MAP2: variants seen among roughly 807,000 people sequenced by gnomAD.
The protein encoded by MAP2 is microtubule-associated protein 2.
Under a neutral mutation model 137.6 loss-of-function variants are expected in MAP2, and 14 were observed. The ratio of observed to expected loss-of-function variants is 0.10; its 90% CI spans 0.07 to 0.16. The LOEUF (loss-of-function observed/expected upper bound fraction) is 0.16. Ranked by LOEUF, MAP2 falls within the 10% of genes least tolerant of loss-of-function variation. The pLI is 1.00. For synonymous variants in MAP2, 786 were observed against 782.3 expected, an observed-to-expected ratio of 1.00 and a Z score of -0.08; for missense variants, 2,088 against 2,191.5, an observed-to-expected ratio of 0.95 and a Z score of 0.94.
At chr2:209,455,304 CAGAT>C (rs1701283179) in intron 1 of MAP2, among the ~76,000 whole-genome samples, 1 of 152,102 alleles carries the variant, frequency 6.6e-6, no homozygotes, top group African/African-American at 2.4e-5. Context: ...CAAGGTCACA[CAGAT>C]AGTAAGTAAT....
intron 1 of MAP2, among the ~76,000 whole-genome samples, chr2:209,469,272 G>A (rs1391459049): frequency 6.6e-6 from 1 of 152,070 alleles, no homozygotes; most frequent in Admixed American, 6.5e-5. Flanking sequence ...ACTCATTTGT[G>A]TAAGTTGTTC....
chr2:209,621,433 A>G lies in MAP2; in HGVS notation c.-106-3620A>G, dbSNP rs747032565. Reference sequence around the variant, plus strand: ...ACCACCATGCCCAGCTAATTTTTGTATTTTTAATAGAGAGGGGGTTTTGCC... The same window carrying G: ...ACCACCATGCCCAGCTAATTTTTGTGTTTTTAATAGAGAGGGGGTTTTGCC... On this transcript the variant is annotated intron_variant, in intron 3 of 15. Coordinates refer to ENST00000682079, the MANE Select transcript of MAP2 (RefSeq NM_001375505.1). Among the ~76,000 whole-genome samples, 2 of 150,924 alleles carry G rather than the reference A, an allele frequency of 1.3e-5. 1 individual carries two copies. The highest frequency in any genetic ancestry group is 3.0e-5 in the Non-Finnish European group (2 of 67,782).
At chr2:209,446,856 C>T (rs1394391356) in intron 1 of MAP2, among the ~76,000 whole-genome samples, 1 of 151,830 alleles carries the variant, frequency 6.6e-6, no homozygotes, top group Non-Finnish European at 1.5e-5. Context: ...ATTTACTTGA[C>T]TCATCCAAGT....
chr2:209,681,180 G>T (rs2054396402), intron 7 of MAP2, among the ~76,000 whole-genome samples: 1 of 152,046 alleles, frequency 6.6e-6, no homozygotes, highest in African/African-American at 2.4e-5. Context: ...AAATATAAAT[G>T]TAATCTCCAT....
chr2:209,622,060 T>A (rs1176142932), intron 3 of MAP2, among the ~76,000 whole-genome samples: 1 of 152,198 alleles, frequency 6.6e-6, no homozygotes, highest in Non-Finnish European at 1.5e-5. Flanking sequence ...GCAGTTGACT[T>A]TGTCATGTGT....
At chr2:209,610,204 A>G (rs79889262) in intron 3 of MAP2, among the ~76,000 whole-genome samples, 122 of 152,220 alleles carry the variant, frequency 8.0e-4, no homozygotes, top group African/African-American at 2.8e-3. Flanking sequence ...GCAGAGCAAG[A>G]GCACATGCAA....
intron 2 of MAP2, among the ~76,000 whole-genome samples, chr2:209,513,667 T>G (rs977292664): frequency 6.6e-6 from 1 of 152,094 alleles, no homozygotes; most frequent in Non-Finnish European, 1.5e-5. Flanking sequence ...ATCCAATACT[T>G]GTTCTTTAAG....
intron 3 of MAP2, among the ~76,000 whole-genome samples, chr2:209,587,459 C>T (rs1014218977): frequency 6.6e-6 from 1 of 152,070 alleles, no homozygotes; most frequent in Non-Finnish European, 1.5e-5. Context: ...TTTGTCAGAA[C>T]TCTATAGGAG....
At chr2:209,569,819 T>C (rs1031085176) in intron 2 of MAP2, among the ~76,000 whole-genome samples, 1 of 151,864 alleles carries the variant, frequency 6.6e-6, no homozygotes, top group African/African-American at 2.4e-5. Flanking sequence ...AGGGTAGTGA[T>C]TGTGTTAAGA....
At chr2:209,473,075 C>A (rs1468789837) in intron 1 of MAP2, among the ~76,000 whole-genome samples, 1 of 152,162 alleles carries the variant, frequency 6.6e-6, no homozygotes, top group Non-Finnish European at 1.5e-5. Flanking sequence ...TGACTTCATA[C>A]CCTTCTTAAA....
At chr2:209,449,109 A>G (rs548998488) in intron 1 of MAP2, among the ~76,000 whole-genome samples, 1 of 152,308 alleles carries the variant, frequency 6.6e-6, no homozygotes, top group African/African-American at 2.4e-5. Flanking sequence ...TAGGCATTAG[A>G]ATACGGAGCT....
intron 10 of MAP2, among the ~76,000 whole-genome samples, chr2:209,698,869 T>G (rs1011228963): frequency 6.6e-6 from 1 of 152,190 alleles, no homozygotes; most frequent in African/African-American, 2.4e-5. Flanking sequence ...ATAAAAACTC[T>G]ATAACCTACC....
intron 3 of MAP2, among the ~76,000 whole-genome samples, chr2:209,589,067 C>T (rs1292662742): frequency 1.3e-5 from 2 of 151,928 alleles, no homozygotes; most frequent in Non-Finnish European, 2.9e-5. Flanking sequence ...AATAAGCTCC[C>T]TATGTTATGT....
intron 7 of MAP2, among the ~76,000 whole-genome samples, chr2:209,683,506 C>G (rs1428790109): frequency 6.6e-6 from 1 of 152,056 alleles, no homozygotes; most frequent in Non-Finnish European, 1.5e-5. Context: ...TACTGTTTCT[C>G]TTTTATGTTA....
At chr2:209,549,355 A>G (rs573931861) in intron 2 of MAP2, among the ~76,000 whole-genome samples, 2 of 152,256 alleles carry the variant, frequency 1.3e-5, no homozygotes, top group South Asian at 2.1e-4. Context: ...TTCAGAGTAA[A>G]CTGAAGAGAA....
intron 4 of MAP2, among the ~76,000 whole-genome samples, chr2:209,630,053 T>C (rs2092816013): frequency 1.3e-5 from 2 of 152,212 alleles, no homozygotes; most frequent in African/African-American, 2.4e-5. Flanking sequence ...ACGGTGCTGA[T>C]GAGCACTTTT....
At chr2:209,721,403 G>A (rs1584584492) in intron 13 of MAP2, among the ~76,000 whole-genome samples, 2 of 152,304 alleles carry the variant, frequency 1.3e-5, no homozygotes, top group South Asian at 2.1e-4. Context: ...GGATAGGATT[G>A]CTTCATATTA....
At chr2:209,428,269 T>C (rs943993586) in intron 1 of MAP2, among the ~76,000 whole-genome samples, 5 of 152,076 alleles carry the variant, frequency 3.3e-5, no homozygotes, top group African/African-American at 1.2e-4. Flanking sequence ...TTAGACAAAA[T>C]AAAGAGCTCA....
At chr2:209,477,809 C>A (rs1707682101) in intron 1 of MAP2, among the ~76,000 whole-genome samples, 2 of 149,330 alleles carry the variant, frequency 1.3e-5, no homozygotes, top group Admixed American at 1.3e-4. Context: ...CCAGCCTGGG[C>A]AACACAAGTG....
Sources: allele counts gnomAD v4.1 joint callset (sites outside exome capture counted in the v4.1 genomes callset), GRCh38; gene constraint gnomAD v4.1.1; transcripts MANE v1.5; gene names NCBI Gene and HGNC (gene_info 2026-07-23, HGNC 2026-07-21).